BUD13: variants seen among roughly 807,000 people sequenced by gnomAD.
The protein encoded by BUD13 is BUD13 spliceosome associated protein, also known as BUD13 homolog.
BUD13 carries 47 observed loss-of-function variants against 62.5 expected under a neutral mutation model. The observed-to-expected ratio is 0.75, with a 90% CI of 0.60 to 0.96. The LOEUF (loss-of-function observed/expected upper bound fraction) is 0.96, where lower values mean the gene tolerates loss of function less well. Ranked by LOEUF, BUD13 falls within the 40% of genes least tolerant of loss-of-function variation. The pLI is 0.00. For missense variants in BUD13, 821 were observed against 790.9 expected (o/e 1.04, Z -0.46); for synonymous variants, 293 against 280.1 (o/e 1.05, Z -0.46).
In BUD13 at chr11:116,768,966, G is replaced by A. The variant is rs188925715; in HGVS notation, c.237+1163C>T. Among the ~76,000 whole-genome samples, 216 of 134,386 alleles carry A rather than the reference G, an allele frequency of 1.6e-3. 1 individual carries two copies. The highest frequency in any genetic ancestry group is 3.2e-3 in the Admixed American group (37 of 11,502). 88.2% of individuals were successfully genotyped at this position (134,386 alleles called of 152,430 possible). ...GGAGGCAGAGCTTGCAGTGAGCCGA[G>A]ATCATACCACTACACTCAAGCCTGG... On this transcript the variant is annotated intron_variant, in intron 2 of 9. Transcript: ENST00000260210.
intron 6 of BUD13, 75 bp from the exon 7 acceptor site, chr11:116,758,482 T>C (rs1940371788): frequency 1.3e-6 from 2 of 1,520,058 alleles, no homozygotes; most frequent in African/African-American, 1.4e-5. Context: ...ATCAACCGCT[T>C]GGGATTCTAA....
intron 2 of BUD13, among the ~76,000 whole-genome samples, chr11:116,766,393 C>A (rs1381566838): frequency 1.3e-5 from 2 of 152,228 alleles, no homozygotes; most frequent in Admixed American, 6.5e-5. Context: ...AGTGGCAGAA[C>A]TGGAATTTAA....
chr11:116,772,969 G>T lies in BUD13; in HGVS notation c.-5C>A. On this transcript the variant is annotated 5_prime_UTR_variant, in exon 1 of 10. It adds an upstream start codon to the 5' untranslated region. Transcript: ENST00000260210. ...AAGCGGCGGAGCTGCCGCCATGGCA[G>T]CGGCGGGGGCAGAGAGACGGGTCGG... 1.3e-6 allele frequency: 2 copies of T among 1,536,662 alleles called. No individual in the cohort carries two copies. Among genetic ancestry groups the T allele is most frequent in the East Asian group, 2.6e-5 (1 of 38,852 alleles).
At chr11:116,755,683 C>G (rs191206329) in intron 9 of BUD13, among the ~76,000 whole-genome samples, 1,660 of 152,246 alleles carry the variant, frequency 0.011, 39 homozygotes, top group Admixed American at 0.063. Flanking sequence ...ATTATTAAGT[C>G]AGACATTAAT....
chr11:116,750,684 T>A (rs1940217157), intron 9 of BUD13, among the ~76,000 whole-genome samples: 1 of 152,222 alleles, frequency 6.6e-6, no homozygotes, highest in Non-Finnish European at 1.5e-5. Flanking sequence ...TTGTATCTGT[T>A]CTACTTCCAA....
At chr11:116,771,572 G>C (rs1407091498) in intron 1 of BUD13, among the ~76,000 whole-genome samples, 1 of 152,166 alleles carries the variant, frequency 6.6e-6, no homozygotes, top group Non-Finnish European at 1.5e-5. Flanking sequence ...GCAGCTCAGT[G>C]AGATGAAACA....
At chr11:116,748,662 A>G (rs1940180721) in intron 9 of BUD13, 87 bp from the exon 10 acceptor site, 5 of 1,299,560 alleles carry the variant, frequency 3.8e-6, no homozygotes, top group Non-Finnish European at 5.5e-6. Flanking sequence ...CAATATAATG[A>G]AAAGGGGGGA....
In BUD13 at chr11:116,770,162, C is replaced by G; in HGVS notation, c.204G>C (p.Lys68Asn). Residue 68 changes from lysine to asparagine, a missense_variant, in exon 2 of 10, where the codon AAG (lysine) becomes AAC (asparagine). Lys to Asn is a moderately conservative substitution (Grantham distance 94). Around this residue, in one of 2 missense-constraint regions of BUD13, gnomAD observed 800 missense variants for 739.2 expected, o/e 1.08. Coordinates refer to ENST00000260210, the MANE Select transcript of BUD13 (RefSeq NM_032725.4). ...AATCTCCATCATCTTCCTCTTCCTC[C>G]TTTTCTAGTTTGGTTGTGGAGATAG... ...WTAISTTKLE[K>N]EEEEDDGDLP... 6.2e-6 allele frequency: 10 copies of G among 1,613,592 alleles called. No homozygotes were observed. Among genetic ancestry groups the G allele is most frequent in the Non-Finnish European group, 6.8e-6 (8 of 1,179,750 alleles).
chr11:116,748,813 C>T (rs1316802315), intron 9 of BUD13, among the ~76,000 whole-genome samples: 2 of 152,108 alleles, frequency 1.3e-5, no homozygotes, highest in Non-Finnish European at 2.9e-5. Context: ...TGGTGAAACC[C>T]TGTCTCTACT....
chr11:116,755,689 TTAATGAGA>T (rs1940309591), intron 9 of BUD13, among the ~76,000 whole-genome samples: 1 of 152,234 alleles, frequency 6.6e-6, no homozygotes, highest in Non-Finnish European at 1.5e-5. Context: ...AAGTCAGACA[TTAATGAGA>T]TTTGCAAAAA....
chr11:116,763,560 G>C (rs532560937), intron 3 of BUD13, among the ~76,000 whole-genome samples: 1 of 152,226 alleles, frequency 6.6e-6, no homozygotes, highest in Non-Finnish European at 1.5e-5. Flanking sequence ...CATGAAAACA[G>C]AGGCCACAGC....
rs750615516 is a variant in BUD13 at position 116,762,597 on chromosome 11, T to C, written c.992A>G (p.Gln331Arg). Residue 331 changes from glutamine to arginine, a missense_variant, in exon 4 of 10, where the codon CAA becomes CGA. Gln to Arg is a conservative substitution (Grantham distance 43). Coordinates refer to ENST00000260210, the MANE Select transcript of BUD13 (RefSeq NM_032725.4). ...DPDISPPRKKQAKSHFGDKKQ... is the reference protein window; with the variant it reads ...DPDISPPRKKRAKSHFGDKKQ... Reference sequence around the variant, plus strand: ...CTTGTCTCCAAAATGGGATTTTGCTTGCTTTTTTCGTGGAGGAGAGATGTC... The same window carrying C: ...CTTGTCTCCAAAATGGGATTTTGCTCGCTTTTTTCGTGGAGGAGAGATGTC... 1 of 1,613,024 alleles carries C rather than the reference T, an allele frequency of 6.2e-7. No homozygotes were observed. Among genetic ancestry groups the C allele is most frequent in the Non-Finnish European group, 8.5e-7 (1 of 1,179,696 alleles).
At chr11:116,761,038 C>T in intron 4 of BUD13, 86 bp from the exon 5 acceptor site, 1 of 1,100,976 alleles carries the variant, frequency 9.1e-7, no homozygotes, top group Non-Finnish European at 1.3e-6. Context: ...GGAGAAGAAC[C>T]TAGAAATTAA....
At chr11:116,772,710 CGGA>C (rs1940652802) in intron 1 of BUD13, 109 bp downstream of exon 1, 12 of 1,357,212 alleles carry the variant, frequency 8.8e-6, no homozygotes, top group Non-Finnish European at 1.1e-5. Context: ...CAGGGGTCGG[CGGA>C]GAAGCCGAGA....
intron 1 of BUD13, among the ~76,000 whole-genome samples, chr11:116,770,915 T>C (rs1565316875): frequency 6.6e-6 from 1 of 152,112 alleles, no homozygotes; most frequent in Non-Finnish European, 1.5e-5. Context: ...CTACTCAGTC[T>C]CCCAAGTAGC....
At chr11:116,758,583 C>CTTTTTT (rs397687372) in intron 6 of BUD13, among the ~76,000 whole-genome samples, 176 bp from the exon 7 acceptor site, 14 of 116,622 alleles carry the variant, frequency 1.2e-4, no homozygotes, top group South Asian at 2.9e-4. Context: ...TGGCATTTTC[C>CTTTTTT]TTTTTTTTTT....
rs533284691 is a variant in BUD13 at position 116,766,891 on chromosome 11, A to T, written c.238-1445T>A. Among the ~76,000 whole-genome samples, 14 of 152,302 alleles carry T rather than the reference A, an allele frequency of 9.2e-5. 1 individual carries two copies. In the South Asian group the frequency reaches 1.5e-3, roughly 16 times the overall value. ...TGGGCCATCATAAAAGCAAGACAATATTATAAAAGAAAATGGCCAGGTGCG... is the reference window on the plus strand; with the variant it reads ...TGGGCCATCATAAAAGCAAGACAATTTTATAAAAGAAAATGGCCAGGTGCG... On this transcript the variant is annotated intron_variant, in intron 2 of 9. Coordinates refer to ENST00000260210, the MANE Select transcript of BUD13 (RefSeq NM_032725.4).
rs1479378481 is a variant in BUD13 at position 116,762,839 on chromosome 11, G to A, written c.750C>T (p.Asp250=). ...AAGAGCCAAGAGTCCTCCTAGATGTGTCAGGGGAGTTGTTATGGACCCTTC... is the reference window on the plus strand; with the variant it reads ...AAGAGCCAAGAGTCCTCCTAGATGTATCAGGGGAGTTGTTATGGACCCTTC... ...SPRRVHNNSP[D]TSRRTLGSSD... Residue 250 remains aspartate (D), a synonymous_variant, in exon 4 of 10, where the codon GAC becomes GAT. Coordinates refer to ENST00000260210, the MANE Select transcript of BUD13 (RefSeq NM_032725.4). The A allele has an allele frequency of 1.2e-6, 2 of 1,613,362 alleles. No homozygotes were observed. Among genetic ancestry groups the A allele is most frequent in the Non-Finnish European group, 1.7e-6 (2 of 1,179,810 alleles).
At position 116,757,851 on chromosome 11, in the gene BUD13, C is replaced by A. The variant is rs1016573289; in HGVS notation, c.1599G>T (p.Arg533Ser). 6.2e-7 allele frequency: 1 copy of A among 1,614,076 alleles called. No homozygotes were observed. The highest frequency in any genetic ancestry group is 1.3e-5 in the African/African-American group (1 of 74,914). Residue 533 changes from arginine (R) to serine (S), a missense_variant, in exon 8 of 10, where the codon AGG (arginine) becomes AGT (serine). Around this residue, in one of 2 missense-constraint regions of BUD13, gnomAD observed 800 missense variants for 739.2 expected, o/e 1.08. Transcript: ENST00000260210. ...CCTCTCTTTCCTGTTCTCTTAGCAT[C>A]CTATCCAGATCTTCGTCATCAATAT... is the stretch of plus-strand genomic sequence containing the variant. The part of the protein sequence containing the change: ...ARYIDDEDLD[R>S]MLREQEREGD...
Sources: allele counts gnomAD v4.1 joint callset (sites outside exome capture counted in the v4.1 genomes callset), GRCh38; gene constraint gnomAD v4.1.1; regional missense constraint gnomAD v4.1.1; transcripts MANE v1.5; gene names NCBI Gene and HGNC (gene_info 2026-07-23, HGNC 2026-07-21).